The following MAF variants were observed in gnomAD, a reference collection of about 807,000 sequenced individuals.
The protein encoded by MAF is MAF bZIP transcription factor.
Under a neutral mutation model 22.0 loss-of-function variants are expected in MAF, and 10 were observed. The ratio of observed to expected loss-of-function variants is 0.45; its 90% confidence interval spans 0.28 to 0.77. The LOEUF is 0.77. MAF is among the 30% of genes least tolerant of loss of function. The probability of loss-of-function intolerance (pLI) is 0.12; values close to 1 mark genes in which losing one functional copy is unlikely to be tolerated. For missense variants in MAF, 544 were observed against 548.4 expected, an observed-to-expected ratio of 0.99 and a Z score of 0.08; for synonymous variants, 337 against 255.8, an observed-to-expected ratio of 1.32 and a Z score of -3.03.
At chr16:79,446,807 G>A in the MAF span, among the ~76,000 whole-genome samples, 1 of 152,018 alleles carries the variant, frequency 6.6e-6, no homozygotes, top group East Asian at 1.9e-4. Context: ...TACACAGGTT[G>A]CGAGTCAGGA....
At chr16:79,408,636 C>G in the MAF span, among the ~76,000 whole-genome samples, 13 of 151,786 alleles carry the variant, frequency 8.6e-5, 1 homozygote, top group African/African-American at 2.9e-4. Context: ...TTTTCTCATT[C>G]TTCCATCCTT....
chr16:79,425,778 G>A, the MAF span, among the ~76,000 whole-genome samples: 1 of 151,844 alleles, frequency 6.6e-6, no homozygotes, highest in Non-Finnish European at 1.5e-5. Flanking sequence ...GTGGGCTGCA[G>A]GTATTACTTT....
At chr16:79,598,657 A>T in intron 1 of MAF, 128 bp downstream of exon 1, 1 of 1,530,184 alleles carries the variant, frequency 6.5e-7, no homozygotes, top group South Asian at 1.2e-5. Context: ...AAGGGGGCCA[A>T]ACTCGGTGGG....
the MAF span, among the ~76,000 whole-genome samples, chr16:79,238,469 G>C: frequency 6.6e-6 from 1 of 151,998 alleles, no homozygotes; most frequent in African/African-American, 2.4e-5. Flanking sequence ...AAAGAAAGTG[G>C]AATCTGGGCT....
chr16:79,456,090 T>C, the MAF span, among the ~76,000 whole-genome samples: 2 of 152,144 alleles, frequency 1.3e-5, no homozygotes, highest in African/African-American at 4.8e-5. Flanking sequence ...AGACAAATTC[T>C]ACAGGGAAAA....
At chr16:79,465,778 C>T in the MAF span, among the ~76,000 whole-genome samples, 2 of 152,070 alleles carry the variant, frequency 1.3e-5, no homozygotes, top group Admixed American at 1.3e-4. Context: ...AAAGAGGGAG[C>T]TGTAGTAGGG....
At chr16:79,369,760 C>T in the MAF span, among the ~76,000 whole-genome samples, 1 of 152,202 alleles carries the variant, frequency 6.6e-6, no homozygotes, top group Non-Finnish European at 1.5e-5. Context: ...CTTCCACCCT[C>T]CATGATGGGT....
At chr16:79,513,305 TGCAACTGACTA>T in the MAF span, among the ~76,000 whole-genome samples, 2 of 152,254 alleles carry the variant, frequency 1.3e-5, no homozygotes, top group Non-Finnish European at 2.9e-5. Flanking sequence ...ATTCTAGTTC[TGCAACTGACTA>T]GCTATGTGGC....
the MAF span, among the ~76,000 whole-genome samples, chr16:79,539,148 G>C: frequency 1.3e-5 from 2 of 152,218 alleles, no homozygotes; most frequent in Non-Finnish European, 2.9e-5. Flanking sequence ...ATCTCCTGTG[G>C]TATTTGTGGT....
chr16:79,354,156 A>C, the MAF span, among the ~76,000 whole-genome samples: 1 of 151,740 alleles, frequency 6.6e-6, no homozygotes, highest in East Asian at 1.9e-4. Flanking sequence ...CACCGTGACT[A>C]ATTTTTTTGG....
the MAF span, among the ~76,000 whole-genome samples, chr16:79,343,085 T>C: frequency 6.6e-6 from 1 of 152,282 alleles, no homozygotes; most frequent in South Asian, 2.1e-4. Flanking sequence ...CAAGAGAAAG[T>C]TAAGACTTGT....
downstream of MAF, among the ~76,000 whole-genome samples, chr16:79,581,922 G>C (rs1912544915): frequency 6.6e-6 from 1 of 152,160 alleles, no homozygotes; most frequent in East Asian, 1.9e-4. Flanking sequence ...TTTTCCCACT[G>C]AGTACCTGAC....
At chr16:79,547,506 T>C in the MAF span, among the ~76,000 whole-genome samples, 2 of 151,990 alleles carry the variant, frequency 1.3e-5, no homozygotes, top group African/African-American at 2.4e-5. Context: ...CCTGACACAC[T>C]TGACTTGATC....
At chr16:79,269,863 T>A in the MAF span, among the ~76,000 whole-genome samples, 3 of 152,124 alleles carry the variant, frequency 2.0e-5, no homozygotes, top group East Asian at 5.8e-4. Context: ...AAGGGAGAGG[T>A]TTGGCCTTAG....
At chr16:79,409,106 G>T in the MAF span, among the ~76,000 whole-genome samples, 1 of 152,036 alleles carries the variant, frequency 6.6e-6, no homozygotes, top group African/African-American at 2.4e-5. Flanking sequence ...TTGGAAGGAT[G>T]ATCAAACAAA....
chr16:79,318,220 A>G, the MAF span, among the ~76,000 whole-genome samples: 1 of 152,210 alleles, frequency 6.6e-6, no homozygotes, highest in Admixed American at 6.5e-5. Context: ...TTAATTCAAG[A>G]TGATCCACCT....
the MAF span, among the ~76,000 whole-genome samples, chr16:79,226,168 GC>G: frequency 6.6e-6 from 1 of 152,122 alleles, no homozygotes; most frequent in Admixed American, 6.5e-5. Flanking sequence ...AGAAAATGTG[GC>G]ACATATATAC....
At chr16:79,228,966 T>TG in the MAF span, among the ~76,000 whole-genome samples, 4 of 151,904 alleles carry the variant, frequency 2.6e-5, no homozygotes, top group East Asian at 7.8e-4. Flanking sequence ...GGGGCCAAGA[T>TG]GGGCTTTCAT....
chr16:79,588,500 T>A (rs1912994957), intron 1 of MAF, among the ~76,000 whole-genome samples: 1 of 152,128 alleles, frequency 6.6e-6, no homozygotes, highest in South Asian at 2.1e-4. Context: ...AGTGGCGCAA[T>A]CTGGGCTTAC....
Sources: allele counts gnomAD v4.1 joint callset (sites outside exome capture counted in the v4.1 genomes callset), GRCh38; gene constraint gnomAD v4.1.1; transcripts MANE v1.5; gene names NCBI Gene and HGNC (gene_info 2026-07-23, HGNC 2026-07-21).